Variants in PTPRT observed in about 807,000 individuals in gnomAD.
PTPRT encodes protein tyrosine phosphatase receptor type T, also known as receptor-type tyrosine-protein phosphatase T.
PTPRT carries 56 observed loss-of-function variants against 176.8 expected under a neutral mutation model. The observed-to-expected ratio is 0.32, with a 90% CI of 0.26 to 0.40. The LOEUF is 0.40. Ranked by LOEUF, PTPRT falls within the 10% of genes least tolerant of loss-of-function variation. The probability of loss-of-function intolerance (pLI) is 1.00; values close to 1 mark genes in which losing one functional copy is unlikely to be tolerated. For synonymous variants in PTPRT, 783 were observed against 739.0 expected (o/e 1.06, Z -0.96); for missense variants, 1,540 against 1,908.2 (o/e 0.81, Z 3.60).
At chr20:42,226,167 G>C (rs917742075) in intron 15 of PTPRT, among the ~76,000 whole-genome samples, 2 of 152,194 alleles carry the variant, frequency 1.3e-5, no homozygotes, top group East Asian at 1.9e-4. Context: ...AGCTCCTTGA[G>C]AGGGTATTTC....
At chr20:43,101,843 A>G (rs2012401820) in intron 1 of PTPRT, among the ~76,000 whole-genome samples, 1 of 152,206 alleles carries the variant, frequency 6.6e-6, no homozygotes, top group Non-Finnish European at 1.5e-5. Flanking sequence ...TGTCAGCTGC[A>G]TGTCTCAGAT....
intron 9 of PTPRT, among the ~76,000 whole-genome samples, chr20:42,423,605 G>C (rs2059139761): frequency 6.6e-6 from 1 of 152,154 alleles, no homozygotes; most frequent in Admixed American, 6.5e-5. Flanking sequence ...AAAACATCAG[G>C]GGGTTGTGCT....
intron 2 of PTPRT, among the ~76,000 whole-genome samples, chr20:42,810,897 T>C (rs1415188795): frequency 1.3e-5 from 2 of 152,250 alleles, no homozygotes; most frequent in Non-Finnish European, 2.9e-5. Context: ...GTTTAAATCA[T>C]TGCACAATCA....
intron 16 of PTPRT, among the ~76,000 whole-genome samples, chr20:42,189,915 C>T (rs1467520287): frequency 6.6e-6 from 1 of 152,162 alleles, no homozygotes; most frequent in Non-Finnish European, 1.5e-5. Flanking sequence ...CTTAATTTAA[C>T]TCCTTAGTGT....
At chr20:43,015,964 C>G (rs975308602) in intron 1 of PTPRT, among the ~76,000 whole-genome samples, 4 of 147,086 alleles carry the variant, frequency 2.7e-5, no homozygotes, top group Non-Finnish European at 4.5e-5. Flanking sequence ...AAAAAAAAAG[C>G]CCACGTCCAC....
chr20:42,584,683 A>G (rs939328153), intron 7 of PTPRT, among the ~76,000 whole-genome samples: 1 of 152,142 alleles, frequency 6.6e-6, no homozygotes, highest in African/African-American at 2.4e-5. Context: ...CTCCCCACAA[A>G]TAAATGCACA....
At chr20:42,581,698 T>C (rs2073375816) in intron 7 of PTPRT, among the ~76,000 whole-genome samples, 1 of 152,190 alleles carries the variant, frequency 6.6e-6, no homozygotes, top group African/African-American at 2.4e-5. Context: ...GGAATGAGAC[T>C]ATGAAAGGAG....
chr20:42,440,398 A>G (rs1056547477), intron 9 of PTPRT, among the ~76,000 whole-genome samples: 1 of 152,178 alleles, frequency 6.6e-6, no homozygotes, highest in African/African-American at 2.4e-5. Flanking sequence ...TATTGAGTAC[A>G]TACTATGTGA....
At chr20:42,939,348 C>A (rs1980400072) in intron 1 of PTPRT, among the ~76,000 whole-genome samples, 1 of 152,184 alleles carries the variant, frequency 6.6e-6, no homozygotes, top group Non-Finnish European at 1.5e-5. Context: ...TCATCACTCC[C>A]GCCATCTCAG....
chr20:42,624,961 A>C (rs1006110152), intron 7 of PTPRT, among the ~76,000 whole-genome samples: 1 of 152,150 alleles, frequency 6.6e-6, no homozygotes, highest in African/African-American at 2.4e-5. Flanking sequence ...TCAAGTTCCA[A>C]ATTTGGCTTG....
intron 1 of PTPRT, among the ~76,000 whole-genome samples, chr20:43,095,525 C>T (rs1568782081): frequency 6.6e-6 from 1 of 151,990 alleles, no homozygotes; most frequent in Non-Finnish European, 1.5e-5. Flanking sequence ...GCTCCCCACC[C>T]ACCTTGCAAA....
chr20:42,229,992 T>C (rs999558453), intron 15 of PTPRT, among the ~76,000 whole-genome samples: 1 of 152,170 alleles, frequency 6.6e-6, no homozygotes, highest in Admixed American at 6.5e-5. Context: ...AGGAGTTCCA[T>C]GGAGAATACC....
At chr20:42,662,383 G>A (rs1465772394) in intron 7 of PTPRT, among the ~76,000 whole-genome samples, 1 of 152,090 alleles carries the variant, frequency 6.6e-6, no homozygotes, top group Non-Finnish European at 1.5e-5. Flanking sequence ...ACTCTAATCG[G>A]ACTCAGTAGG....
chr20:42,720,732 G>A (rs2076290445), intron 6 of PTPRT, among the ~76,000 whole-genome samples: 1 of 152,144 alleles, frequency 6.6e-6, no homozygotes, highest in African/African-American at 2.4e-5. Context: ...TTGTCCTTCT[G>A]CACTGTCAAA....
At chr20:42,061,490 A>T in the PTPRT span, among the ~76,000 whole-genome samples, 1 of 152,270 alleles carries the variant, frequency 6.6e-6, no homozygotes, top group African/African-American at 2.4e-5. Flanking sequence ...TTGATAGTTT[A>T]ATCCTGTTAC....
chr20:43,015,770 T>C (rs975886473), intron 1 of PTPRT, among the ~76,000 whole-genome samples: 1 of 152,044 alleles, frequency 6.6e-6, no homozygotes, highest in Non-Finnish European at 1.5e-5. Context: ...GAGACTGGTG[T>C]CCTCACTGTA....
intron 1 of PTPRT, among the ~76,000 whole-genome samples, chr20:42,999,551 T>G (rs1035741134): frequency 6.6e-6 from 1 of 151,974 alleles, no homozygotes; most frequent in African/African-American, 2.4e-5. Flanking sequence ...AGGCCAGGGG[T>G]TCGAGACCAG....
At chr20:43,001,460 A>G (rs1405555368) in intron 1 of PTPRT, among the ~76,000 whole-genome samples, 1 of 148,720 alleles carries the variant, frequency 6.7e-6, no homozygotes, top group Non-Finnish European at 1.5e-5. Context: ...CCTATAGCAA[A>G]GGTGGATACT....
intron 6 of PTPRT, among the ~76,000 whole-genome samples, chr20:42,689,945 C>T (rs1253907544): frequency 1.3e-5 from 2 of 152,054 alleles, no homozygotes; most frequent in East Asian, 3.9e-4. Context: ...TGTCTTAGAC[C>T]ACTAACTTTG....
Sources: allele counts gnomAD v4.1 joint callset (sites outside exome capture counted in the v4.1 genomes callset), GRCh38; gene constraint gnomAD v4.1.1; transcripts MANE v1.5; gene names NCBI Gene and HGNC (gene_info 2026-07-23, HGNC 2026-07-21).